Variants in NIBAN2 observed in about 807,000 individuals in gnomAD.
NIBAN2 encodes the protein niban apoptosis regulator 2.
In NIBAN2, 36 loss-of-function variants were observed where a neutral mutation model predicts 81.8. That is an observed-to-expected ratio of 0.44 (90% CI 0.34 to 0.58). The LOEUF is 0.58. Ranked by LOEUF, NIBAN2 falls within the 20% of genes least tolerant of loss-of-function variation. The pLI is 0.02. For synonymous variants in NIBAN2, 445 were observed against 441.6 expected (o/e 1.01, Z -0.10); for missense variants, 897 against 1,014.1 (o/e 0.88, Z 1.57).
chr9:127,518,433 C>T (rs1373055387), intron 5 of NIBAN2, among the ~76,000 whole-genome samples: 1 of 152,220 alleles, frequency 6.6e-6, no homozygotes, highest in Non-Finnish European at 1.5e-5. Flanking sequence ...TCAAACTTTG[C>T]CTGGAACAGG....
upstream of NIBAN2, among the ~76,000 whole-genome samples, chr9:127,569,858 A>G (rs1837926445): frequency 6.6e-6 from 1 of 152,206 alleles, no homozygotes; most frequent in Admixed American, 6.5e-5. Flanking sequence ...AGAAAAGGAA[A>G]AAGCAGTAGC....
At chr9:127,558,384 A>C (rs1187353470) in intron 1 of NIBAN2, among the ~76,000 whole-genome samples, 1 of 152,146 alleles carries the variant, frequency 6.6e-6, no homozygotes, top group East Asian at 1.9e-4. Flanking sequence ...TGCTGGGGTC[A>C]AGGCCCTGGG....
At chr9:127,522,610 C>G (rs1836964918) in intron 5 of NIBAN2, among the ~76,000 whole-genome samples, 1 of 152,116 alleles carries the variant, frequency 6.6e-6, no homozygotes, top group Non-Finnish European at 1.5e-5. Context: ...GTCACCCCCT[C>G]CCTGCTTCAG....
At chr9:127,578,467 G>C (rs1004650305) in intron 1 of NIBAN2, among the ~76,000 whole-genome samples, 1 of 151,430 alleles carries the variant, frequency 6.6e-6, no homozygotes, top group Non-Finnish European at 1.5e-5. Flanking sequence ...TTCAAGACCA[G>C]CCTGGCCAAC....
In NIBAN2 at chr9:127,531,713, A is replaced by G. The variant is rs1837186679; in HGVS notation, c.121T>C (p.Phe41Leu). ...TCAATCTCATGGCGCATGCTGTTGAAGAGAGCCACGCCATACTGGTCTTCA... is the reference window on the plus strand; with the variant it reads ...TCAATCTCATGGCGCATGCTGTTGAGGAGAGCCACGCCATACTGGTCTTCA... ...FYEDQYGVAL[F>L]NSMRHEIEGT... Residue 41 changes from phenylalanine (F) to leucine (L), a missense_variant, in exon 2 of 14, where the codon TTC becomes CTC. By Grantham distance (22) the Phe-to-Leu change is conservative (BLOSUM62 0). Transcript: ENST00000373312. The G allele has an allele frequency of 6.2e-7, 1 of 1,614,060 alleles. No individual in the cohort carries two copies. Among genetic ancestry groups the G allele is most frequent in the African/African-American group, 1.3e-5 (1 of 74,940 alleles).
At chr9:127,567,645 C>A (rs189744840) in intron 1 of NIBAN2, among the ~76,000 whole-genome samples, 189 of 152,248 alleles carry the variant, frequency 1.2e-3, no homozygotes, top group African/African-American at 4.3e-3. Flanking sequence ...CTCAAGGGAG[C>A]GTGGAGAACA....
rs115733421 is a variant in NIBAN2, at chr9:127,541,544, C to T, written c.56-9766G>A. 8.5e-3 allele frequency among the ~76,000 whole-genome samples: 1,286 copies of T among 152,182 alleles called. 12 individuals carry two copies. The highest frequency in any genetic ancestry group is 0.029 in the African/African-American group (1,210 of 41,512). On this transcript the variant is annotated intron_variant, in intron 1 of 13. Transcript: ENST00000373312. Reference sequence around the variant, plus strand: ...AGCACCAGCCTGTGGGTGGCCTCCACGGGAAGGGCAGACACAGGGCTCCTG... The same window carrying T: ...AGCACCAGCCTGTGGGTGGCCTCCATGGGAAGGGCAGACACAGGGCTCCTG...
intron 1 of NIBAN2, 51 bp from the exon 2 acceptor site, chr9:127,531,829 A>G: frequency 6.2e-7 from 1 of 1,608,618 alleles, no homozygotes; most frequent in Non-Finnish European, 8.5e-7. Context: ...ATGCTGATGC[A>G]TCACGATCCT....
At chr9:127,511,507 T>TAA (rs33964200) in intron 8 of NIBAN2, among the ~76,000 whole-genome samples, 16 of 145,986 alleles carry the variant, frequency 1.1e-4, no homozygotes, top group Admixed American at 6.1e-4. Context: ...CAATATTATT[T>TAA]AAAAAAAAAA....
chr9:127,512,469 T>C (rs963049663), intron 8 of NIBAN2, among the ~76,000 whole-genome samples: 1 of 152,158 alleles, frequency 6.6e-6, no homozygotes, highest in African/African-American at 2.4e-5. Flanking sequence ...GTATTTTTAA[T>C]AGAGACGGGG....
intron 1 of NIBAN2, among the ~76,000 whole-genome samples, chr9:127,549,460 C>T (rs1588179091): frequency 6.6e-6 from 1 of 152,330 alleles, no homozygotes; most frequent in Admixed American, 6.5e-5. Flanking sequence ...CACATTCACA[C>T]ATGTGCATGC....
At position 127,568,880 on chromosome 9, in the gene NIBAN2, G is replaced by A. The variant is rs1837905550; in HGVS notation, c.-6C>T. The A allele has an allele frequency of 3.0e-6, 4 of 1,332,478 alleles. No homozygotes were observed. Among genetic ancestry groups the A allele is most frequent in the Non-Finnish European group, 3.9e-6 (4 of 1,038,144 alleles). The allele number at this position is 1,332,478 out of a possible 1,614,324, so 82.5% of individuals were successfully genotyped here. A position where few individuals can be genotyped will look rare whatever the true frequency, so the allele number is the denominator to read the frequency against. ...GTGGACAGCACGTCCCCCATGGCCA[G>A]GAGGTGTCGCGGCCCGATCCGGCCG... is the stretch of plus-strand genomic sequence containing the variant. On this transcript the variant is annotated 5_prime_UTR_variant, in exon 1 of 14. Transcript: ENST00000373312.
intron 1 of NIBAN2, among the ~76,000 whole-genome samples, chr9:127,554,421 C>T (rs2132225825): frequency 6.6e-6 from 1 of 152,314 alleles, no homozygotes; most frequent in Middle Eastern, 3.4e-3. Context: ...GCTCCGGAGC[C>T]TGCCCTGTGC....
intron 1 of NIBAN2, among the ~76,000 whole-genome samples, chr9:127,578,685 G>GAAAAGA (rs373796500): frequency 0.026 from 3,969 of 151,154 alleles, 147 homozygotes; most frequent in African/African-American, 0.076. Flanking sequence ...AAAAAGAAAA[G>GAAAAGA]AAAAGAAAAA....
At chr9:127,515,869 C>T (rs1387442076) in intron 8 of NIBAN2, among the ~76,000 whole-genome samples, 1 of 150,764 alleles carries the variant, frequency 6.6e-6, no homozygotes, top group Non-Finnish European at 1.5e-5. Flanking sequence ...TGGGCACAGT[C>T]GCTCACATCT....
chr9:127,548,556 C>T (rs1002951281), intron 1 of NIBAN2, among the ~76,000 whole-genome samples: 12 of 152,320 alleles, frequency 7.9e-5, no homozygotes, highest in Admixed American at 5.9e-4. Context: ...TTTGTTGTCA[C>T]CAGTCCCTGA....
intron 5 of NIBAN2, among the ~76,000 whole-genome samples, chr9:127,519,948 C>T (rs1334020708): frequency 6.6e-6 from 1 of 152,224 alleles, no homozygotes; most frequent in African/African-American, 2.4e-5. Flanking sequence ...ATCCTGCATG[C>T]ACCAAGTCAG....
rs557646586 is a variant in NIBAN2 at position 127,506,198 on chromosome 9, C to T, written c.*647G>A. ...GTCCCCTCCTTCACTCAGGACACTT[C>T]CCCTCCGCAGACCTGCACGTTCTGG... On this transcript the variant is annotated 3_prime_UTR_variant, in exon 14 of 14. Coordinates refer to ENST00000373312, the MANE Select transcript of NIBAN2 (RefSeq NM_022833.4). The T allele has an allele frequency of 1.0e-4, 16 of 152,870 alleles. No individual in the cohort carries two copies. Among genetic ancestry groups the T allele is most frequent in the East Asian group, 7.7e-4 (4 of 5,212 alleles). The allele number at this position is 152,870 out of a possible 1,614,324, so 9.5% of individuals were successfully genotyped here.
intron 1 of NIBAN2, among the ~76,000 whole-genome samples, chr9:127,565,043 A>C (rs1265633037): frequency 6.6e-6 from 1 of 152,148 alleles, no homozygotes; most frequent in Non-Finnish European, 1.5e-5. Context: ...TTGTTTGTAC[A>C]TGTGTTACTT....
Sources: allele counts gnomAD v4.1 joint callset (sites outside exome capture counted in the v4.1 genomes callset), GRCh38; gene constraint gnomAD v4.1.1; transcripts MANE v1.5; gene names NCBI Gene and HGNC (gene_info 2026-07-23, HGNC 2026-07-21).